The following INPP4B variants were observed in gnomAD, a reference collection of about 807,000 sequenced individuals.
The protein encoded by INPP4B is inositol polyphosphate 4-phosphatase type II.
A neutral mutation model predicts 122.5 loss-of-function variants in INPP4B; 55 were observed. The observed-to-expected ratio is 0.45, with a 90% CI of 0.36 to 0.56. The LOEUF (loss-of-function observed/expected upper bound fraction) is 0.56, where lower values mean the gene tolerates loss of function less well. INPP4B is among the 20% of genes least tolerant of loss of function. The pLI is 0.00. For synonymous variants in INPP4B, 403 were observed against 388.7 expected (o/e 1.04, Z -0.43); for missense variants, 1,000 against 1,097.7 (o/e 0.91, Z 1.26).
At chr4:142,097,265 A>ATTTTATTTTAT (rs1782341465) in intron 23 of INPP4B, among the ~76,000 whole-genome samples, 1 of 148,614 alleles carries the variant, frequency 6.7e-6, no homozygotes, top group African/African-American at 2.5e-5. Context: ...ATTTTATTTT[A>ATTTTATTTTAT]TTTTTTGAGA....
intron 7 of INPP4B, among the ~76,000 whole-genome samples, chr4:142,363,055 G>A (rs554606862): frequency 6.6e-6 from 1 of 152,100 alleles, no homozygotes; most frequent in South Asian, 2.1e-4. Flanking sequence ...TGCAGTCTGT[G>A]ATCTCCCTGT....
chr4:142,057,027 G>A (rs1470007788), intron 25 of INPP4B, among the ~76,000 whole-genome samples: 1 of 152,064 alleles, frequency 6.6e-6, no homozygotes, highest in Non-Finnish European at 1.5e-5. Context: ...GGTCATTTGT[G>A]CTAAATGCTA....
intron 1 of INPP4B, among the ~76,000 whole-genome samples, chr4:142,761,987 C>A (rs115469560): frequency 0.02 from 3,023 of 152,140 alleles, 53 homozygotes; most frequent in Non-Finnish European, 0.034. Flanking sequence ...CAATATGAAA[C>A]CCTGATACAA....
intron 2 of INPP4B, among the ~76,000 whole-genome samples, chr4:142,615,556 C>T (rs1005410820): frequency 2.0e-5 from 3 of 152,060 alleles, no homozygotes; most frequent in African/African-American, 7.2e-5. Context: ...GGCCTTAGGT[C>T]CTATTTGTGA....
intron 2 of INPP4B, among the ~76,000 whole-genome samples, chr4:142,677,026 A>C (rs1328606000): frequency 6.6e-6 from 1 of 152,188 alleles, no homozygotes; most frequent in Non-Finnish European, 1.5e-5. Context: ...TCTGCACAGC[A>C]AAAGAAACTA....
At chr4:142,254,961 C>T (rs1334087066) in intron 11 of INPP4B, among the ~76,000 whole-genome samples, 5 of 151,994 alleles carry the variant, frequency 3.3e-5, no homozygotes, top group South Asian at 2.1e-4. Flanking sequence ...AGAGAAAGGT[C>T]GGGTTACCCT....
intron 7 of INPP4B, among the ~76,000 whole-genome samples, chr4:142,391,720 TAA>T (rs1220689340): frequency 6.6e-5 from 10 of 152,204 alleles, no homozygotes; most frequent in African/African-American, 1.2e-4. Context: ...ATAGAAAAGA[TAA>T]AAGAGTCCAA....
chr4:142,386,294 C>T (rs914558041), intron 7 of INPP4B, among the ~76,000 whole-genome samples: 7 of 152,128 alleles, frequency 4.6e-5, no homozygotes, highest in Admixed American at 3.3e-4. Flanking sequence ...TCTTAGGTTG[C>T]TACCATATCT....
At chr4:142,314,005 A>G (rs1766521337) in intron 8 of INPP4B, among the ~76,000 whole-genome samples, 1 of 152,194 alleles carries the variant, frequency 6.6e-6, no homozygotes, top group African/African-American at 2.4e-5. Context: ...GTAGGATTTC[A>G]GGGTATTTCA....
intron 5 of INPP4B, among the ~76,000 whole-genome samples, chr4:142,428,415 C>T (rs539279861): frequency 4.7e-5 from 7 of 149,984 alleles, no homozygotes; most frequent in African/African-American, 1.2e-4. Flanking sequence ...ACTGTCTTTC[C>T]GAAATATTTC....
intron 10 of INPP4B, among the ~76,000 whole-genome samples, chr4:142,265,498 G>C (rs1742308382): frequency 6.6e-6 from 1 of 152,152 alleles, no homozygotes; most frequent in East Asian, 1.9e-4. Flanking sequence ...TGCATTTGCA[G>C]TTCTAAAAAG....
At chr4:142,216,568 A>C (rs1006475765) in intron 12 of INPP4B, among the ~76,000 whole-genome samples, 2 of 152,204 alleles carry the variant, frequency 1.3e-5, no homozygotes, top group Non-Finnish European at 2.9e-5. Context: ...ATTCATACAG[A>C]TCTCTGGAAA....
At chr4:142,763,632 T>C (rs2150980121) in intron 1 of INPP4B, among the ~76,000 whole-genome samples, 1 of 152,252 alleles carries the variant, frequency 6.6e-6, no homozygotes, top group South Asian at 2.1e-4. Flanking sequence ...ATTGTACTTG[T>C]TGCTTTTCTA....
chr4:142,427,208 T>C (rs1170763125), intron 5 of INPP4B: 1 of 233,276 alleles, frequency 4.3e-6, no homozygotes, highest in Admixed American at 5.7e-5. Context: ...TTGAAGATCT[T>C]AAAGTGCTAA....
At chr4:142,184,043 T>G (rs909361006) in intron 15 of INPP4B, among the ~76,000 whole-genome samples, 1 of 152,184 alleles carries the variant, frequency 6.6e-6, no homozygotes, top group Non-Finnish European at 1.5e-5. Flanking sequence ...CATTAAAAAT[T>G]TGGGGACAGT....
intron 17 of INPP4B, among the ~76,000 whole-genome samples, chr4:142,150,967 G>T (rs553248598): frequency 3.7e-4 from 57 of 152,288 alleles, no homozygotes; most frequent in Middle Eastern, 3.4e-3. Flanking sequence ...ATAGCCTGAT[G>T]TATCTGTATT....
intron 12 of INPP4B, among the ~76,000 whole-genome samples, chr4:142,218,325 G>A (rs748221371): frequency 3.9e-5 from 6 of 152,178 alleles, no homozygotes; most frequent in Non-Finnish European, 7.3e-5. Flanking sequence ...TAAGGGACAT[G>A]CACAAGAAAT....
chr4:142,564,026 T>G (rs6853124), intron 2 of INPP4B, among the ~76,000 whole-genome samples: 4,686 of 152,288 alleles, frequency 0.031, 241 homozygotes, highest in African/African-American at 0.11. Context: ...GCAGTTGTTA[T>G]TTCAAGACCC....
rs531178198 is a variant in INPP4B, at chr4:142,340,725, G to A, written c.373-25963C>T. On this transcript the variant is annotated intron_variant, in intron 7 of 25. Transcript: ENST00000262992. ...ACCATAACCAGCCAGGGTCCTTCTC[G>A]TTAGCCTGCCAGTGGGGAGGAACCT... Among the ~76,000 whole-genome samples the A allele has an allele frequency of 4.6e-5, 7 of 152,148 alleles. No homozygotes were observed. The East Asian group carries it at 9.7e-4, about 21-fold the overall frequency.
Sources: gnomAD v4.1 joint callset for allele counts (sites outside exome capture counted in the v4.1 genomes callset) on GRCh38, gnomAD v4.1.1 for gene constraint, MANE v1.5 for transcripts, NCBI Gene and HGNC (gene_info 2026-07-23, HGNC 2026-07-21) for gene names.